Variants in PARD3B observed in about 807,000 individuals in gnomAD.
PARD3B encodes the protein par-3 family cell polarity regulator beta.
A neutral mutation model predicts 130.2 loss-of-function variants in PARD3B; 103 were observed. The ratio of observed to expected loss-of-function variants is 0.79; its 90% CI spans 0.67 to 0.93. The LOEUF is 0.93. Among genes scored for constraint, PARD3B ranks in the 40% least tolerant of loss-of-function variants. The pLI is 0.00. For synonymous variants in PARD3B, 583 were observed against 553.2 expected (o/e 1.05, Z -0.76); for missense variants, 1,609 against 1,499.2 (o/e 1.07, Z -1.21).
At chr2:205,435,842 T>C (rs1026421650) in intron 19 of PARD3B, among the ~76,000 whole-genome samples, 1 of 152,152 alleles carries the variant, frequency 6.6e-6, no homozygotes, top group Non-Finnish European at 1.5e-5. Flanking sequence ...AGATATTTAG[T>C]CTTAGTTTTA....
At chr2:205,609,168 T>C (rs1409450512) in intron 22 of PARD3B, among the ~76,000 whole-genome samples, 2 of 152,188 alleles carry the variant, frequency 1.3e-5, no homozygotes, top group African/African-American at 4.8e-5. Flanking sequence ...GCCAACCACA[T>C]TCGTGCCTGG....
chr2:204,928,299 G>A (rs1469445192), intron 2 of PARD3B, among the ~76,000 whole-genome samples: 2 of 152,036 alleles, frequency 1.3e-5, no homozygotes, highest in Non-Finnish European at 2.9e-5. Flanking sequence ...GTCTCTAGAG[G>A]CCTCGGTTTA....
At chr2:204,879,601 A>C (rs969376500) in intron 2 of PARD3B, among the ~76,000 whole-genome samples, 7 of 152,148 alleles carry the variant, frequency 4.6e-5, no homozygotes, top group African/African-American at 1.7e-4. Context: ...ATAATCTGTA[A>C]ATTTTCTTGG....
At chr2:205,579,325 TCTCATCCTCATC>T (rs929198887) in intron 22 of PARD3B, among the ~76,000 whole-genome samples, 3 of 152,154 alleles carry the variant, frequency 2.0e-5, no homozygotes, top group Non-Finnish European at 4.4e-5. Context: ...TTCCTGGCTC[TCTCATCCTCATC>T]CTCATCCTCA....
rs186734859 is a variant in PARD3B, at chr2:205,417,348, G to C, written c.2741+16225G>C. 2.7e-3 allele frequency among the ~76,000 whole-genome samples: 404 copies of C among 152,132 alleles called. 1 individual carries two copies. Among genetic ancestry groups the C allele is most frequent in the South Asian group, 0.01 (50 of 4,816 alleles). Reference sequence around the variant, plus strand: ...ATATCATTGATGGACATTTGGGTTGGTTCCAAGTCTTTGCTATTGTGAATA... The same window carrying C: ...ATATCATTGATGGACATTTGGGTTGCTTCCAAGTCTTTGCTATTGTGAATA... On this transcript the variant is annotated intron_variant, in intron 19 of 22. Coordinates refer to ENST00000406610, the MANE Select transcript of PARD3B (RefSeq NM_001302769.2).
At chr2:205,150,252 T>TGTGTGCGTGCGC (rs375301293) in intron 10 of PARD3B, among the ~76,000 whole-genome samples, 1 of 145,780 alleles carries the variant, frequency 6.9e-6, no homozygotes, top group Admixed American at 6.8e-5. Flanking sequence ...TGTGTGTGTG[T>TGTGTGCGTGCGC]GCACACACGC....
At chr2:204,575,034 G>T (rs1302171697) in intron 1 of PARD3B, among the ~76,000 whole-genome samples, 4 of 151,692 alleles carry the variant, frequency 2.6e-5, no homozygotes, top group Non-Finnish European at 5.9e-5. Context: ...CTTTGCTGAT[G>T]TTTTTTTTTC....
intron 2 of PARD3B, among the ~76,000 whole-genome samples, chr2:204,862,984 C>T (rs930733954): frequency 2.6e-5 from 4 of 152,160 alleles, no homozygotes; most frequent in South Asian, 2.1e-4. Flanking sequence ...CGCAAACCTC[C>T]GGAGGCTCCA....
chr2:204,681,227 G>A (rs183089306), intron 1 of PARD3B, among the ~76,000 whole-genome samples: 80 of 152,036 alleles, frequency 5.3e-4, no homozygotes, highest in African/African-American at 1.8e-3. Context: ...CTGATATTAG[G>A]ATTAGTATGG....
intron 21 of PARD3B, among the ~76,000 whole-genome samples, chr2:205,505,990 G>T (rs1282909844): frequency 6.6e-6 from 1 of 152,124 alleles, no homozygotes; most frequent in Non-Finnish European, 1.5e-5. Flanking sequence ...AAAAAAGTGG[G>T]AGTTAAAACA....
At chr2:204,655,637 A>G (rs889302499) in intron 1 of PARD3B, among the ~76,000 whole-genome samples, 5 of 152,206 alleles carry the variant, frequency 3.3e-5, no homozygotes, top group African/African-American at 4.8e-5. Context: ...AGGACATACT[A>G]TGTTTAGTTG....
At position 204,852,308 on chromosome 2, in the gene PARD3B, T is replaced by G. The variant is rs371941812; in HGVS notation, c.223-112844T>G. ...GGGAAATACTGCGTATATATTTATG[T>G]GTATGTATAGAGGCTTGTATGTATA... On this transcript the variant is annotated intron_variant, in intron 2 of 22. Coordinates refer to ENST00000406610, the MANE Select transcript of PARD3B (RefSeq NM_001302769.2). Among the ~76,000 whole-genome samples the G allele has an allele frequency of 3.4e-3, 520 of 152,230 alleles. 3 individuals carry two copies. The highest frequency in any genetic ancestry group is 6.4e-3 in the Non-Finnish European group (434 of 67,996).
intron 2 of PARD3B, among the ~76,000 whole-genome samples, chr2:204,792,516 T>G (rs528620801): frequency 6.6e-6 from 1 of 152,178 alleles, no homozygotes; most frequent in South Asian, 2.1e-4. Context: ...ACCAGACAAA[T>G]TCCTGAGTTT....
intron 18 of PARD3B, among the ~76,000 whole-genome samples, chr2:205,303,856 G>A (rs1184455636): frequency 1.3e-5 from 2 of 152,116 alleles, no homozygotes; most frequent in Non-Finnish European, 2.9e-5. Flanking sequence ...CACTTATTTT[G>A]TTGGGTGTTA....
At chr2:204,663,647 G>T (rs1311374532) in intron 1 of PARD3B, among the ~76,000 whole-genome samples, 1 of 152,194 alleles carries the variant, frequency 6.6e-6, no homozygotes, top group Non-Finnish European at 1.5e-5. Flanking sequence ...CACCTTCTGT[G>T]AGGTGAGCTA....
intron 2 of PARD3B, among the ~76,000 whole-genome samples, chr2:204,741,516 T>G (rs1341988244): frequency 6.6e-6 from 1 of 152,172 alleles, no homozygotes; most frequent in African/African-American, 2.4e-5. Context: ...CAGTATTTCC[T>G]TAGATTTATA....
At chr2:204,611,298 A>G (rs538967135) in intron 1 of PARD3B, among the ~76,000 whole-genome samples, 1 of 152,290 alleles carries the variant, frequency 6.6e-6, no homozygotes, top group African/African-American at 2.4e-5. Flanking sequence ...ACTTAGAAAC[A>G]TCCTATTAAA....
In PARD3B at chr2:205,518,269, G is replaced by A. The variant is rs1440925567; in HGVS notation, c.3180+18238G>A. On this transcript the variant is annotated intron_variant, in intron 21 of 22. Coordinates refer to ENST00000406610, the MANE Select transcript of PARD3B (RefSeq NM_001302769.2). ...TTATGAATCTGGCTGCTACTGTACTGGGTTTATATATATTTAGGATAGTTA... is the reference window on the plus strand; with the variant it reads ...TTATGAATCTGGCTGCTACTGTACTAGGTTTATATATATTTAGGATAGTTA... 2.0e-5 allele frequency among the ~76,000 whole-genome samples: 3 copies of A among 152,108 alleles called. No individual in the cohort carries two copies. The East Asian group carries it at 5.8e-4, about 29-fold the overall frequency.
intron 16 of PARD3B, among the ~76,000 whole-genome samples, chr2:205,290,652 C>T (rs2041574437): frequency 6.6e-6 from 1 of 152,160 alleles, no homozygotes; most frequent in African/African-American, 2.4e-5. Context: ...TTTCATCAGT[C>T]AAACACCGAT....
Sources: gnomAD v4.1 joint callset for allele counts (sites outside exome capture counted in the v4.1 genomes callset) on GRCh38, gnomAD v4.1.1 for gene constraint, MANE v1.5 for transcripts, NCBI Gene and HGNC (gene_info 2026-07-23, HGNC 2026-07-21) for gene names.